The following SMYD3 variants were observed in gnomAD, a reference collection of about 807,000 sequenced individuals.
SMYD3 encodes the protein histone-lysine N-methyltransferase SMYD3.
Under a neutral mutation model 57.7 loss-of-function variants are expected in SMYD3, and 36 were observed. The ratio of observed to expected loss-of-function variants is 0.62; its 90% CI spans 0.48 to 0.82. SMYD3 has a LOEUF of 0.82. Ranked by LOEUF, SMYD3 falls within the 40% of genes least tolerant of loss-of-function variation. The pLI is 0.00. For synonymous variants in SMYD3, 211 were observed against 195.0 expected, an observed-to-expected ratio of 1.08 and a Z score of -0.68; for missense variants, 515 against 538.8, an observed-to-expected ratio of 0.96 and a Z score of 0.44.
At chr1:246,075,356 CATG>C (rs1157139400) in intron 5 of SMYD3, among the ~76,000 whole-genome samples, 1 of 152,126 alleles carries the variant, frequency 6.6e-6, no homozygotes, top group African/African-American at 2.4e-5. Flanking sequence ...AAGAACTCAG[CATG>C]ATATTGTTGC....
intron 5 of SMYD3, among the ~76,000 whole-genome samples, chr1:246,136,282 T>G (rs1329974406): frequency 3.3e-5 from 5 of 152,098 alleles, no homozygotes; most frequent in Non-Finnish European, 7.4e-5. Context: ...AGGTAAAGAG[T>G]GGCTCTCCAT....
At chr1:245,946,415 A>G (rs1430826799) in intron 5 of SMYD3, among the ~76,000 whole-genome samples, 1 of 152,188 alleles carries the variant, frequency 6.6e-6, no homozygotes, top group Non-Finnish European at 1.5e-5. Flanking sequence ...TATGTTGTCC[A>G]TGAGAGGAAC....
intron 5 of SMYD3, among the ~76,000 whole-genome samples, chr1:246,141,345 T>C (rs1422759793): frequency 6.6e-6 from 1 of 152,218 alleles, no homozygotes; most frequent in Non-Finnish European, 1.5e-5. Context: ...TGAGCAAATG[T>C]TGAACAGGGC....
intron 5 of SMYD3, among the ~76,000 whole-genome samples, chr1:246,099,529 T>A (rs1234620872): frequency 6.6e-6 from 1 of 152,182 alleles, no homozygotes; most frequent in Non-Finnish European, 1.5e-5. Flanking sequence ...TAAGAAAAAC[T>A]AGTGATTGTT....
At chr1:246,201,658 G>A (rs1383083639) in intron 5 of SMYD3, among the ~76,000 whole-genome samples, 1 of 152,174 alleles carries the variant, frequency 6.6e-6, no homozygotes, top group Non-Finnish European at 1.5e-5. Flanking sequence ...ACCAAGAAAT[G>A]TCACGGAAGC....
intron 5 of SMYD3, among the ~76,000 whole-genome samples, chr1:246,254,290 C>A (rs10754503): frequency 0.21 from 31,666 of 152,134 alleles, 4,024 homozygotes; most frequent in East Asian, 0.58. Flanking sequence ...TAAATCTTTT[C>A]CCCATCTTGA....
At chr1:245,799,216 G>A (rs2047737215) in intron 10 of SMYD3, among the ~76,000 whole-genome samples, 1 of 152,210 alleles carries the variant, frequency 6.6e-6, no homozygotes, top group Non-Finnish European at 1.5e-5. Flanking sequence ...CTACACAGCT[G>A]TGCAAGGAGC....
chr1:246,080,441 G>A (rs970334980), intron 5 of SMYD3, among the ~76,000 whole-genome samples: 1 of 152,076 alleles, frequency 6.6e-6, no homozygotes, highest in African/African-American at 2.4e-5. Context: ...ATCTGAGGTG[G>A]AACAGTTTCA....
intron 10 of SMYD3, among the ~76,000 whole-genome samples, chr1:245,788,698 G>A (rs1377404276): frequency 1.3e-5 from 2 of 152,168 alleles, no homozygotes; most frequent in African/African-American, 4.8e-5. Flanking sequence ...CTGGATTCCT[G>A]AGGTCTGCTT....
intron 1 of SMYD3, among the ~76,000 whole-genome samples, chr1:246,395,590 T>TCAGA (rs1041788534): frequency 1.3e-5 from 2 of 149,732 alleles, no homozygotes; most frequent in Non-Finnish European, 3.0e-5. Flanking sequence ...ACCCCCACGG[T>TCAGA]CAGACAGGGA....
intron 5 of SMYD3, among the ~76,000 whole-genome samples, chr1:246,325,583 T>C (rs1232036707): frequency 1.3e-5 from 2 of 151,930 alleles, no homozygotes; most frequent in Non-Finnish European, 2.9e-5. Flanking sequence ...AACAGAATTT[T>C]CCCCCTATAC....
At chr1:246,269,543 CTT>C (rs570972296) in intron 5 of SMYD3, among the ~76,000 whole-genome samples, 1 of 135,208 alleles carries the variant, frequency 7.4e-6, no homozygotes, top group African/African-American at 2.7e-5. Flanking sequence ...CTTTTTTTTT[CTT>C]TTTTTTTTTT....
At chr1:246,040,646 T>C (rs2059853163) in intron 5 of SMYD3, among the ~76,000 whole-genome samples, 1 of 152,196 alleles carries the variant, frequency 6.6e-6, no homozygotes, top group Non-Finnish European at 1.5e-5. Flanking sequence ...ACCGACTCCA[T>C]TCCCCAGAAC....
chr1:246,456,274 T>C (rs1403340471), intron 1 of SMYD3, among the ~76,000 whole-genome samples: 1 of 152,254 alleles, frequency 6.6e-6, no homozygotes, highest in Non-Finnish European at 1.5e-5. Flanking sequence ...ACATTAGCAT[T>C]ACCTCAGTCG....
intron 1 of SMYD3, among the ~76,000 whole-genome samples, chr1:246,406,578 T>C (rs1456750033): frequency 6.6e-6 from 1 of 152,224 alleles, no homozygotes; most frequent in African/African-American, 2.4e-5. Context: ...GTGCACCGTG[T>C]CCATAGTGCT....
At chr1:246,401,774 G>C (rs1188735495) in intron 1 of SMYD3, among the ~76,000 whole-genome samples, 1 of 150,084 alleles carries the variant, frequency 6.7e-6, no homozygotes, top group African/African-American at 2.5e-5. Context: ...CCAGACTGGA[G>C]TGCAATGGCA....
At chr1:245,774,444 ACTC>A (rs1008395775) in intron 10 of SMYD3, among the ~76,000 whole-genome samples, 11 of 152,212 alleles carry the variant, frequency 7.2e-5, no homozygotes, top group Admixed American at 5.2e-4. Context: ...AGGAAAACAA[ACTC>A]CTCCTCTAGA....
At chr1:246,330,873 C>T (rs891790056) in intron 3 of SMYD3, among the ~76,000 whole-genome samples, 1 of 152,138 alleles carries the variant, frequency 6.6e-6, no homozygotes, top group Admixed American at 6.5e-5. Flanking sequence ...GTAGCTCACA[C>T]CTATAATCCC....
intron 1 of SMYD3, among the ~76,000 whole-genome samples, chr1:246,368,427 T>C (rs1225112181): frequency 2.0e-5 from 3 of 152,144 alleles, no homozygotes; most frequent in Admixed American, 6.5e-5. Flanking sequence ...GACTCCCAAA[T>C]TCCCCCCAGC....
Sources: gnomAD v4.1 joint callset for allele counts (sites outside exome capture counted in the v4.1 genomes callset) on GRCh38, gnomAD v4.1.1 for gene constraint, MANE v1.5 for transcripts, NCBI Gene and HGNC (gene_info 2026-07-23, HGNC 2026-07-21) for gene names.